The following RAB31 variants were observed in gnomAD, a reference collection of about 807,000 sequenced individuals.
RAB31 encodes RAB31, member RAS oncogene family, also known as ras-related protein Rab-31.
Under a neutral mutation model 25.6 loss-of-function variants are expected in RAB31, and 21 were observed. That is an observed-to-expected ratio of 0.82 (90% CI 0.58 to 1.18). The LOEUF (loss-of-function observed/expected upper bound fraction) is 1.18. RAB31 is among the 50% of genes most tolerant of loss of function. RAB31 has a pLI of 0.00. For synonymous variants in RAB31, 87 were observed against 84.0 expected (o/e 1.04, Z -0.20); for missense variants, 196 against 250.1 (o/e 0.78, Z 1.46).
At chr18:9,716,309 AT>A (rs2068044252) in intron 1 of RAB31, among the ~76,000 whole-genome samples, 2 of 151,968 alleles carry the variant, frequency 1.3e-5, no homozygotes, top group Non-Finnish European at 2.9e-5. Context: ...GAGTGGTCTT[AT>A]TTTTTAACGT....
chr18:9,717,741 A>G (rs913238705), intron 1 of RAB31, among the ~76,000 whole-genome samples: 3 of 152,252 alleles, frequency 2.0e-5, no homozygotes, highest in East Asian at 1.9e-4. Flanking sequence ...ACGTACACAC[A>G]GTATGTGGAG....
chr18:9,808,889 C>T lies in RAB31; in HGVS notation c.202-5131C>T, dbSNP rs1392994956. On this transcript the variant is annotated intron_variant, in intron 3 of 6. Coordinates refer to ENST00000578921, the MANE Select transcript of RAB31 (RefSeq NM_006868.4). The stretch of plus-strand genomic sequence containing the variant: ...GTTGGGAAACTTCATGTATTTTCCA[C>T]CACTGCTCATTCCCAACTTGCAGGA... Among the ~76,000 whole-genome samples, 10 of 152,366 alleles carry T rather than the reference C, an allele frequency of 6.6e-5. No individual in the cohort carries two copies. The East Asian group carries it at 1.9e-3, about 29-fold the overall frequency.
At chr18:9,714,669 CAT>C (rs1178908895) in intron 1 of RAB31, among the ~76,000 whole-genome samples, 8 of 152,184 alleles carry the variant, frequency 5.3e-5, no homozygotes, top group South Asian at 2.1e-4. Flanking sequence ...TCACTTATGA[CAT>C]GTGTTTGAAA....
intron 1 of RAB31, among the ~76,000 whole-genome samples, chr18:9,719,805 G>A (rs1259335808): frequency 6.6e-6 from 1 of 152,130 alleles, no homozygotes; most frequent in African/African-American, 2.4e-5. Context: ...AGGCATCCAA[G>A]GCTTCGCTTT....
At position 9,775,405 on chromosome 18, in the gene RAB31, A is replaced by G. The variant is rs779983413; in HGVS notation, c.119+48A>G. On this transcript the variant is annotated intron_variant, in intron 2 of 6. Coordinates refer to ENST00000578921, the MANE Select transcript of RAB31 (RefSeq NM_006868.4). ...CCTTCGCGTTGCTTCCTTTCACGGC[A>G]TCAGAATGACCACTCTGTCTGTGCC... 2.5e-6 allele frequency: 4 copies of G among 1,610,844 alleles called. No individual in the cohort carries two copies. In the South Asian group the frequency reaches 4.4e-5, roughly 18 times the overall value.
chr18:9,747,856 G>A (rs2068213481), intron 1 of RAB31, among the ~76,000 whole-genome samples: 1 of 152,212 alleles, frequency 6.6e-6, no homozygotes, highest in Non-Finnish European at 1.5e-5. Context: ...TTTATGCTAT[G>A]TGAATTTCAG....
chr18:9,786,705 A>G (rs1419830313), intron 2 of RAB31: 15 of 151,930 alleles, frequency 9.9e-5, no homozygotes, highest in Admixed American at 6.6e-4. Context: ...GAGGAAAAAC[A>G]TGGTTCTAGA....
At chr18:9,841,198 C>T (rs938942300) in intron 5 of RAB31, among the ~76,000 whole-genome samples, 13 of 151,634 alleles carry the variant, frequency 8.6e-5, no homozygotes, top group Non-Finnish European at 1.8e-4. Flanking sequence ...TCCCAAAGTG[C>T]TGGGATTACA....
At chr18:9,749,488 C>G (rs888123194) in intron 1 of RAB31, among the ~76,000 whole-genome samples, 1 of 152,136 alleles carries the variant, frequency 6.6e-6, no homozygotes, top group Non-Finnish European at 1.5e-5. Flanking sequence ...TGTGGGAGAG[C>G]TGGGATTTAT....
rs2068327550 is a variant in RAB31 at position 9,768,446 on chromosome 18, G to A, written c.40-6832G>A. The stretch of plus-strand genomic sequence containing the variant: ...TGGTTTTGATTTGCATTTCTCTAAT[G>A]ACCAGTGACAATGAACTTTTTTCCA... On this transcript the variant is annotated intron_variant, in intron 1 of 6. Transcript: ENST00000578921. Among the ~76,000 whole-genome samples, 4 of 152,318 alleles carry A rather than the reference G, an allele frequency of 2.6e-5. No homozygotes were observed. In the South Asian group the frequency reaches 8.3e-4, roughly 32 times the overall value.
intron 5 of RAB31, among the ~76,000 whole-genome samples, chr18:9,826,118 T>G (rs2068648377): frequency 6.6e-6 from 1 of 152,134 alleles, no homozygotes; most frequent in African/African-American, 2.4e-5. Context: ...GGCTCACACC[T>G]GTAATCCCAA....
chr18:9,763,058 G>A (rs1186966055), intron 1 of RAB31, among the ~76,000 whole-genome samples: 2 of 152,120 alleles, frequency 1.3e-5, no homozygotes, highest in Admixed American at 1.3e-4. Context: ...AAGGGACAGT[G>A]TTTTTAAATA....
chr18:9,786,134 AAAGG>A (rs1249691080), intron 2 of RAB31, among the ~76,000 whole-genome samples: 9 of 148,620 alleles, frequency 6.1e-5, no homozygotes, highest in African/African-American at 2.4e-4. Context: ...CAAAAAAAGG[AAAGG>A]AAAGAAAGAA....
intron 1 of RAB31, among the ~76,000 whole-genome samples, chr18:9,711,366 C>T (rs372935007): frequency 6.6e-6 from 1 of 152,060 alleles, no homozygotes; most frequent in South Asian, 2.1e-4. Context: ...TCCAAAAGTC[C>T]TTTAAAAAAT....
intron 2 of RAB31, among the ~76,000 whole-genome samples, chr18:9,785,608 G>A (rs1397135906): frequency 6.6e-6 from 1 of 152,102 alleles, no homozygotes; most frequent in African/African-American, 2.4e-5. Context: ...CCCAAGGCAG[G>A]ACTCTAATCT....
intron 2 of RAB31, among the ~76,000 whole-genome samples, chr18:9,789,812 G>T (rs767824027): frequency 7.2e-5 from 11 of 152,140 alleles, no homozygotes; most frequent in Admixed American, 5.2e-4. Context: ...AGGAATAGAT[G>T]TGGTTTTGAT....
At position 9,801,570 on chromosome 18, in the gene RAB31, C is replaced by T. The variant is rs554214961; in HGVS notation, c.201+9335C>T. 5.9e-5 allele frequency among the ~76,000 whole-genome samples: 9 copies of T among 152,210 alleles called. No homozygotes were observed. In the South Asian group the frequency reaches 8.3e-4, roughly 14 times the overall value. On this transcript the variant is annotated intron_variant, in intron 3 of 6. Coordinates refer to ENST00000578921, the MANE Select transcript of RAB31 (RefSeq NM_006868.4). ...TGTTGGGATTACAGGTGTAAGCCAC[C>T]GTGCCCGGCCAGATGCATGTTTTTA...
Position 9,859,366 on chromosome 18 carries a change from C to A in RAB31, c.*41C>A. 1.9e-6 allele frequency: 3 copies of A among 1,543,074 alleles called. No individual in the cohort carries two copies. The Middle Eastern group carries it at 5.1e-4, about 260-fold the overall frequency. ...CCACGGTACTTGAAGAAGCCAGAGC[C>A]CACATCCTGTGCACTGCTGAAGGAC... On this transcript the variant is annotated 3_prime_UTR_variant, in exon 7 of 7. Transcript: ENST00000578921.
chr18:9,749,972 ATTCT>A (rs1261963980), intron 1 of RAB31, among the ~76,000 whole-genome samples: 1 of 152,148 alleles, frequency 6.6e-6, no homozygotes, highest in African/African-American at 2.4e-5. Context: ...CCTTTGATTC[ATTCT>A]TTCTTTTTGT....
Sources: gnomAD v4.1 joint callset for allele counts (sites outside exome capture counted in the v4.1 genomes callset) on GRCh38, gnomAD v4.1.1 for gene constraint, MANE v1.5 for transcripts, NCBI Gene and HGNC (gene_info 2026-07-23, HGNC 2026-07-21) for gene names.